Variants in NCAM1 observed in about 807,000 individuals in gnomAD.
NCAM1 encodes the protein neural cell adhesion molecule 1.
NCAM1 carries 14 observed loss-of-function variants against 109.8 expected under a neutral mutation model. The observed-to-expected ratio is 0.13, with a 90% CI of 0.08 to 0.20. NCAM1 has a LOEUF of 0.20. Ranked by LOEUF, NCAM1 falls within the 10% of genes least tolerant of loss-of-function variation. The pLI is 1.00. For missense variants in NCAM1, 774 were observed against 1,109.9 expected, an observed-to-expected ratio of 0.70 and a Z score of 4.30; for synonymous variants, 418 against 442.9, an observed-to-expected ratio of 0.94 and a Z score of 0.70.
intron 1 of NCAM1, among the ~76,000 whole-genome samples, chr11:113,115,891 A>G (rs1429538509): frequency 6.6e-6 from 1 of 152,222 alleles, no homozygotes; most frequent in Admixed American, 6.5e-5. Context: ...AAAACTTGCC[A>G]TCTTAACCAT....
intron 1 of NCAM1, among the ~76,000 whole-genome samples, chr11:113,096,684 C>T (rs893577673): frequency 1.3e-5 from 2 of 152,094 alleles, no homozygotes; most frequent in African/African-American, 4.8e-5. Flanking sequence ...TTAATTATTT[C>T]AATGCAGTGG....
chr11:112,968,630 G>A (rs1950789336), intron 1 of NCAM1, among the ~76,000 whole-genome samples: 1 of 152,160 alleles, frequency 6.6e-6, no homozygotes, highest in African/African-American at 2.4e-5. Context: ...GGAGTTTCCA[G>A]TCTAGTAGTA....
intron 1 of NCAM1, among the ~76,000 whole-genome samples, chr11:113,177,469 C>G (rs1943194829): frequency 6.6e-6 from 1 of 152,174 alleles, no homozygotes; most frequent in African/African-American, 2.4e-5. Context: ...GAGTCTCGCT[C>G]TGTCATCAGG....
Position 113,117,356 on chromosome 11 carries a change from A to G in NCAM1, c.53-85023A>G, listed in dbSNP as rs782266947. On this transcript the variant is annotated intron_variant, in intron 1 of 19. Coordinates refer to ENST00000316851, the MANE Select transcript of NCAM1 (RefSeq NM_181351.5). Reference sequence around the variant, plus strand: ...TTTAATAATGTCATGTCCTGCCTTCAGGTAAGTTACACTGTTGTTAGTGAA... The same window carrying G: ...TTTAATAATGTCATGTCCTGCCTTCGGGTAAGTTACACTGTTGTTAGTGAA... Among the ~76,000 whole-genome samples, 26 of 152,084 alleles carry G rather than the reference A, an allele frequency of 1.7e-4. 2 individuals are homozygous for G. Among genetic ancestry groups the G allele is most frequent in the Middle Eastern group, 3.4e-3 (1 of 294 alleles).
intron 9 of NCAM1, among the ~76,000 whole-genome samples, chr11:113,230,512 G>A (rs1047488597): frequency 6.6e-6 from 1 of 152,220 alleles, no homozygotes; most frequent in African/African-American, 2.4e-5. Flanking sequence ...GGCTAGTGAT[G>A]CCTTGCTTGT....
At chr11:113,070,532 T>A (rs534995819) in intron 1 of NCAM1, among the ~76,000 whole-genome samples, 1 of 151,856 alleles carries the variant, frequency 6.6e-6, no homozygotes, top group Admixed American at 6.6e-5. Flanking sequence ...AAGGGAAAGA[T>A]GAGAGATAGA....
chr11:113,198,880 C>T (rs1467275840), intron 1 of NCAM1, among the ~76,000 whole-genome samples: 9 of 152,166 alleles, frequency 5.9e-5, no homozygotes, highest in Non-Finnish European at 7.3e-5. Flanking sequence ...CCAATTTCCA[C>T]GTTCATACAG....
intron 1 of NCAM1, among the ~76,000 whole-genome samples, chr11:113,157,885 A>G (rs944945634): frequency 7.9e-5 from 12 of 152,068 alleles, no homozygotes; most frequent in Non-Finnish European, 1.6e-4. Flanking sequence ...ATAGAAATGT[A>G]TGAAGAAAAT....
chr11:113,217,611 T>G (rs1317985259), intron 8 of NCAM1, among the ~76,000 whole-genome samples: 1 of 152,208 alleles, frequency 6.6e-6, no homozygotes, highest in Non-Finnish European at 1.5e-5. Context: ...CTTAGCAGTC[T>G]CCTTATTCTG....
intron 1 of NCAM1, among the ~76,000 whole-genome samples, chr11:113,019,912 G>A (rs1440414996): frequency 1.3e-5 from 2 of 152,164 alleles, no homozygotes; most frequent in African/African-American, 4.8e-5. Flanking sequence ...CTGCATCTGT[G>A]TGGTAGTCTT....
rs117296826 is a variant in NCAM1 at position 113,213,730 on chromosome 11, G to A, written c.917-639G>A. Among the ~76,000 whole-genome samples, 974 of 152,172 alleles carry A rather than the reference G, an allele frequency of 6.4e-3. 3 individuals carry two copies. The highest frequency in any genetic ancestry group is 7.8e-3 in the Non-Finnish European group (532 of 68,022). On this transcript the variant is annotated intron_variant, in intron 7 of 19. Transcript: ENST00000316851. ...ACCTTGTTCAGAATCCAACATTACC[G>A]CACATCTGGGTCATTGCCAGGGCTT...
At chr11:113,047,343 T>G (rs1431501156) in intron 1 of NCAM1, among the ~76,000 whole-genome samples, 1 of 152,180 alleles carries the variant, frequency 6.6e-6, no homozygotes, top group Non-Finnish European at 1.5e-5. Flanking sequence ...AAATCACACT[T>G]AAAATATTTT....
chr11:112,977,020 G>A (rs1237417220), intron 1 of NCAM1, among the ~76,000 whole-genome samples: 1 of 151,526 alleles, frequency 6.6e-6, no homozygotes, highest in Non-Finnish European at 1.5e-5. Context: ...TGTGGGTGAA[G>A]ACAGTCCAAA....
intron 1 of NCAM1, among the ~76,000 whole-genome samples, chr11:113,081,175 G>C (rs1938795221): frequency 6.6e-6 from 1 of 152,208 alleles, no homozygotes; most frequent in South Asian, 2.1e-4. Context: ...CTGGCACACT[G>C]TTTCTCACTG....
At position 113,236,372 on chromosome 11, in the gene NCAM1, C is replaced by T. The variant is rs765856338; in HGVS notation, c.1825+1208C>T. The stretch of plus-strand genomic sequence containing the variant: ...TCCATAGCGTTAACATCTGCTAGTT[C>T]TAGTTCGTAATTTAGTTCTGGTCCC... On this transcript the variant is annotated intron_variant, in intron 14 of 19. Transcript: ENST00000316851. 3 of 1,581,218 alleles carry T rather than the reference C, an allele frequency of 1.9e-6. No homozygotes were observed. In the African/African-American group the frequency reaches 4.0e-5, roughly 21 times the overall value.
At chr11:113,044,578 G>A (rs1242493525) in intron 1 of NCAM1, among the ~76,000 whole-genome samples, 1 of 151,958 alleles carries the variant, frequency 6.6e-6, no homozygotes, top group East Asian at 2.0e-4. Context: ...CCAGGTACTT[G>A]GGAGGCTGAC....
chr11:113,187,129 G>A (rs1943530897), intron 1 of NCAM1, among the ~76,000 whole-genome samples: 1 of 152,208 alleles, frequency 6.6e-6, no homozygotes, highest in African/African-American at 2.4e-5. Context: ...GAATAGCAAG[G>A]CTTTTTGCTA....
intron 1 of NCAM1, among the ~76,000 whole-genome samples, chr11:113,123,995 G>A (rs985253533): frequency 9.9e-5 from 15 of 152,284 alleles, no homozygotes; most frequent in Middle Eastern, 3.4e-3. Flanking sequence ...TCAGCAAAGC[G>A]GCTGACCCTG....
chr11:113,228,274 T>A (rs1944906451), intron 9 of NCAM1, among the ~76,000 whole-genome samples: 1 of 152,158 alleles, frequency 6.6e-6, no homozygotes. Context: ...TCACAAGCAT[T>A]CTTATACACC....
Sources: gnomAD v4.1 joint callset for allele counts (sites outside exome capture counted in the v4.1 genomes callset) on GRCh38, gnomAD v4.1.1 for gene constraint, MANE v1.5 for transcripts, NCBI Gene and HGNC (gene_info 2026-07-23, HGNC 2026-07-21) for gene names.